The following PFKFB3 variants were observed in gnomAD, a reference collection of about 807,000 sequenced individuals.
The protein encoded by PFKFB3 is 6-phosphofructo-2-kinase/fructose-2,6-bisphosphatase 3.
PFKFB3 carries 33 observed loss-of-function variants against 68.0 expected under a neutral mutation model. That is an observed-to-expected ratio of 0.49 (90% CI 0.37 to 0.65). The LOEUF is 0.65. Among genes scored for constraint, PFKFB3 ranks in the 30% least tolerant of loss-of-function variants. PFKFB3 has a pLI of 0.00. For missense variants in PFKFB3, 586 were observed against 712.2 expected (o/e 0.82, Z 2.02); for synonymous variants, 315 against 288.2 (o/e 1.09, Z -0.94).
At chr10:6,324,428 G>GTGTTT in the PFKFB3 span, among the ~76,000 whole-genome samples, 6,014 of 152,144 alleles carry the variant, frequency 0.04, 152 homozygotes, top group Non-Finnish European at 0.06. Flanking sequence ...CAAAGTTAAT[G>GTGTTT]TGTTTTGTTT....
chr10:6,258,807 C>T (rs1409411789), downstream of PFKFB3, among the ~76,000 whole-genome samples: 1 of 152,160 alleles, frequency 6.6e-6, no homozygotes, highest in Non-Finnish European at 1.5e-5. Flanking sequence ...AACTCTCTTC[C>T]CACTTGGTGG....
chr10:6,175,994 T>C (rs1012860053), intron 1 of PFKFB3, among the ~76,000 whole-genome samples: 5 of 152,234 alleles, frequency 3.3e-5, no homozygotes, highest in Non-Finnish European at 7.3e-5. Flanking sequence ...CGTAGACGCA[T>C]GCACTCAAGG....
At chr10:6,266,114 G>A in the PFKFB3 span, among the ~76,000 whole-genome samples, 1 of 152,048 alleles carries the variant, frequency 6.6e-6, no homozygotes, top group Non-Finnish European at 1.5e-5. Context: ...TTACTATGTT[G>A]CCCAGGCTGG....
At chr10:6,261,558 CA>C in the PFKFB3 span, among the ~76,000 whole-genome samples, 10 of 152,254 alleles carry the variant, frequency 6.6e-5, no homozygotes, top group African/African-American at 2.4e-4. Flanking sequence ...GGGAAAGGAG[CA>C]GAAAGATAAC....
downstream of PFKFB3, among the ~76,000 whole-genome samples, chr10:6,237,763 G>A (rs1025235696): frequency 3.3e-5 from 5 of 151,990 alleles, no homozygotes; most frequent in Admixed American, 6.6e-5. Flanking sequence ...ATGAGGTTTC[G>A]CCATGTTGCC....
At chr10:6,222,448 T>C (rs1305685101) in intron 10 of PFKFB3, among the ~76,000 whole-genome samples, 1 of 152,242 alleles carries the variant, frequency 6.6e-6, no homozygotes, top group African/African-American at 2.4e-5. Context: ...TCACCACAAA[T>C]TCCAGGCCTT....
At chr10:6,190,101 G>A (rs142295810) in intron 1 of PFKFB3, among the ~76,000 whole-genome samples, 29 of 151,550 alleles carry the variant, frequency 1.9e-4, no homozygotes, top group Admixed American at 7.9e-4. Context: ...CCATGACCAC[G>A]CCCAGCTAAT....
rs1844477074 is a variant in PFKFB3 at position 6,215,137 on chromosome 10, C to A, written c.203-84C>A. 1.7e-6 allele frequency: 2 copies of A among 1,193,814 alleles called. No homozygotes were observed. The highest frequency in any genetic ancestry group is 3.5e-5 in the Admixed American group (2 of 56,514). The allele number at this position is 1,193,814 out of a possible 1,614,324, so 74.0% of individuals were successfully genotyped here. On this transcript the variant is annotated intron_variant, in intron 2 of 14. Transcript: ENST00000379775. This position sits in a 1 kb window ranked among gnomAD's most constrained non-coding sequence, Gnocchi z 4.3. The stretch of plus-strand genomic sequence containing the variant: ...CGGTGTGGTTGGCCTGGTGGCTCTT[C>A]CTTTGGTCGATCCTATGGTCCCGGT...
the PFKFB3 span, among the ~76,000 whole-genome samples, chr10:6,291,264 T>G: frequency 6.6e-6 from 1 of 151,546 alleles, no homozygotes; most frequent in Non-Finnish European, 1.5e-5. Flanking sequence ...AAAAGAGGAG[T>G]CAAAAGTTTA....
rs958761771 is a variant in PFKFB3, at chr10:6,229,031, T to C, written c.1515+2666T>C. On this transcript the variant is annotated intron_variant, in intron 14 of 14. Coordinates refer to ENST00000379775, the MANE Select transcript of PFKFB3 (RefSeq NM_004566.4). This position sits in a 1 kb window ranked among gnomAD's most constrained non-coding sequence, Gnocchi z 4.3. ...TTAATGACAGCCACATGAAGTGTCA[T>C]CCCCTTGCCCCCCCAAAAACACACC... 3 of 477,180 alleles carry C rather than the reference T, an allele frequency of 6.3e-6. No homozygotes were observed. The highest frequency in any genetic ancestry group is 5.9e-5 in the African/African-American group (3 of 50,442). 29.6% of individuals were successfully genotyped at this position (477,180 alleles called of 1,614,324 possible).
chr10:6,209,924 C>T (rs1844054660), intron 1 of PFKFB3, among the ~76,000 whole-genome samples: 2 of 152,082 alleles, frequency 1.3e-5, no homozygotes, highest in South Asian at 4.1e-4. Flanking sequence ...GCCATCACGC[C>T]TGGCTAATGT....
intron 1 of PFKFB3, among the ~76,000 whole-genome samples, chr10:6,149,060 C>T (rs535172622): frequency 8.5e-5 from 13 of 152,282 alleles, no homozygotes; most frequent in African/African-American, 1.9e-4. Context: ...GCCTGAGTGA[C>T]AGAGCAAGAC....
At chr10:6,202,879 G>C (rs913291129), upstream of PFKFB3, 1 of 1,058,238 alleles carries the variant, frequency 9.4e-7, no homozygotes. Context: ...GCTGACGTAC[G>C]CGTCTGCGGC....
chr10:6,222,874 A>G lies in PFKFB3; in HGVS notation c.1103A>G (p.Gln368Arg). ...PTGESYQDLV[Q>R]RLEPVIMELE... ...GCTCAGTCCTACCAGGACCTGGTCC[A>G]GCGCTTGGAGCCAGTGATCATGGAG... The change falls in exon 11 of 15, where the codon CAG becomes CGG. Residue 368 changes from glutamine (Q) to arginine (R), a missense_variant. Gln to Arg is a conservative substitution (Grantham distance 43, BLOSUM62 1). Coordinates refer to ENST00000379775, the MANE Select transcript of PFKFB3 (RefSeq NM_004566.4). The G allele has an allele frequency of 6.2e-7, 1 of 1,613,828 alleles. No homozygotes were observed. Among genetic ancestry groups the G allele is most frequent in the Non-Finnish European group, 8.5e-7 (1 of 1,179,866 alleles).
chr10:6,215,176 T>G lies in PFKFB3; in HGVS notation c.203-45T>G, dbSNP rs1470791493. The G allele has an allele frequency of 6.5e-7, 1 of 1,543,974 alleles. No homozygotes were observed. The highest frequency in any genetic ancestry group is 2.2e-5 in the East Asian group (1 of 44,494). On this transcript the variant is annotated intron_variant, in intron 2 of 14. Transcript: ENST00000379775. The surrounding 1 kb of genome is among the most constrained non-coding windows in gnomAD (Gnocchi z 4.3). ...TATGGTCCCGGTGTGAGCTGGCCCC[T>G]TCCTCCTGCTCGATCATCCAGACTG...
chr10:6,298,614 C>A, the PFKFB3 span, among the ~76,000 whole-genome samples: 2 of 152,116 alleles, frequency 1.3e-5, no homozygotes, highest in Non-Finnish European at 2.9e-5. Context: ...AATCCTCCTG[C>A]CTCGGCCTCC....
chr10:6,192,797 A>G (rs76781384), intron 1 of PFKFB3, among the ~76,000 whole-genome samples: 2,052 of 152,200 alleles, frequency 0.013, 24 homozygotes, highest in Middle Eastern at 0.034. Flanking sequence ...ATCTATTCAG[A>G]CATCTGGGGT....
intron 6 of PFKFB3, 160 bp from the exon 7 acceptor site, chr10:6,219,409 C>G: frequency 1.4e-6 from 1 of 699,948 alleles, no homozygotes; most frequent in Non-Finnish European, 2.4e-6. Context: ...GGCTGTGACT[C>G]AGCCCCCAGC....
intron 1 of PFKFB3, among the ~76,000 whole-genome samples, chr10:6,187,532 G>A (rs1474041311): frequency 1.3e-5 from 2 of 152,178 alleles, no homozygotes; most frequent in African/African-American, 2.4e-5. Flanking sequence ...TCTAGGCTGC[G>A]TCTCTACAAA....
Sources: allele counts gnomAD v4.1 joint callset (sites outside exome capture counted in the v4.1 genomes callset), GRCh38; gene constraint gnomAD v4.1.1; non-coding constraint Gnocchi (gnomAD v3.1); transcripts MANE v1.5; gene names NCBI Gene and HGNC (gene_info 2026-07-23, HGNC 2026-07-21).